MGAT5: variants seen among roughly 807,000 people sequenced by gnomAD.
The protein encoded by MGAT5 is alpha-1,6-mannosylglycoprotein 6-beta-N-acetylglucosaminyltransferase A.
Under a neutral mutation model 94.3 loss-of-function variants are expected in MGAT5, and 30 were observed. That is an observed-to-expected ratio of 0.32 (90% confidence interval 0.24 to 0.43). The LOEUF is 0.43. Among genes scored for constraint, MGAT5 ranks in the 20% least tolerant of loss-of-function variants. MGAT5 has a pLI of 1.00. For synonymous variants in MGAT5, 310 were observed against 322.9 expected, an observed-to-expected ratio of 0.96 and a Z score of 0.43; for missense variants, 691 against 905.5, an observed-to-expected ratio of 0.76 and a Z score of 3.04.
rs1684692862 is a variant in MGAT5 at position 134,428,221 on chromosome 2, G to GA, written c.1795-143dup. On this transcript the variant is annotated intron_variant, in intron 13 of 15. Coordinates refer to ENST00000281923, the MANE Select transcript of MGAT5 (RefSeq NM_002410.5). ...CCACACCTAGTAAGGATCAGCTTGA[G>GA]ATCACGACTTGCAAGTCCATAGTCA... 2.3e-5 allele frequency: 15 copies of GA among 640,906 alleles called. No individual in the cohort carries two copies. In the South Asian group the frequency reaches 3.0e-4, roughly 13 times the overall value. The allele number at this position is 640,906 out of a possible 1,614,324, so 39.7% of individuals were successfully genotyped here.
chr2:134,312,355 C>A (rs1384951757), intron 2 of MGAT5, among the ~76,000 whole-genome samples: 1 of 152,184 alleles, frequency 6.6e-6, no homozygotes, highest in Non-Finnish European at 1.5e-5. Flanking sequence ...TCCCTTCTCC[C>A]AGCATCAGGA....
intron 15 of MGAT5, among the ~76,000 whole-genome samples, chr2:134,443,006 G>A (rs1255963868): frequency 6.6e-6 from 1 of 152,168 alleles, no homozygotes; most frequent in East Asian, 1.9e-4. Flanking sequence ...TTCACGCCCT[G>A]TTAGTGCTGT....
intron 1 of MGAT5, among the ~76,000 whole-genome samples, chr2:134,197,557 A>C (rs2105265141): frequency 6.6e-6 from 1 of 152,346 alleles, no homozygotes; most frequent in African/African-American, 2.4e-5. Context: ...GATGTCGGCC[A>C]TCTTGTTAGG....
chr2:134,393,024 G>A (rs1260241602), intron 10 of MGAT5, among the ~76,000 whole-genome samples: 1 of 152,210 alleles, frequency 6.6e-6, no homozygotes, highest in East Asian at 1.9e-4. Flanking sequence ...GAGCCTTGGG[G>A]ACAGCGAGTT....
rs202189433 is a variant in MGAT5, at chr2:134,425,909, TA to T, written c.1795-2453del. On this transcript the variant is annotated intron_variant, in intron 13 of 15. Coordinates refer to ENST00000281923, the MANE Select transcript of MGAT5 (RefSeq NM_002410.5). ...AGTAACAGTCCTTTTTTTTTTTTTT[TA>T]AACAAAGCAGGATGCCCAAGAATAC... Among the ~76,000 whole-genome samples the T allele has an allele frequency of 1.8e-4, 27 of 151,334 alleles. 1 individual carries two copies. Among genetic ancestry groups the T allele is most frequent in the African/African-American group, 6.3e-4 (26 of 41,118 alleles).
intron 2 of MGAT5, among the ~76,000 whole-genome samples, chr2:134,285,632 C>G (rs1264921071): frequency 1.3e-5 from 2 of 152,104 alleles, no homozygotes; most frequent in African/African-American, 2.4e-5. Flanking sequence ...TACTTCATTC[C>G]TCCTTACCCC....
At chr2:134,214,245 G>C (rs548179607) in intron 1 of MGAT5, among the ~76,000 whole-genome samples, 5 of 151,658 alleles carry the variant, frequency 3.3e-5, no homozygotes, top group Non-Finnish European at 7.4e-5. Context: ...TAGCTAGCTT[G>C]TCCAACCCAT....
intron 2 of MGAT5, among the ~76,000 whole-genome samples, chr2:134,310,650 G>A (rs183375469): frequency 1.3e-5 from 2 of 152,272 alleles, no homozygotes; most frequent in South Asian, 4.1e-4. Flanking sequence ...TCCTATTGCT[G>A]TGGGGCCCTG....
chr2:134,394,029 C>T (rs902575697), intron 10 of MGAT5, among the ~76,000 whole-genome samples: 2 of 152,118 alleles, frequency 1.3e-5, no homozygotes, highest in Non-Finnish European at 2.9e-5. Context: ...AGGTGTGTAC[C>T]ATCCCATAGA....
At chr2:134,225,373 A>AC (rs1477404818) in intron 1 of MGAT5, among the ~76,000 whole-genome samples, 2 of 152,198 alleles carry the variant, frequency 1.3e-5, no homozygotes, top group African/African-American at 2.4e-5. Context: ...CACGAGTCAC[A>AC]CAAGAGTGAT....
At chr2:134,207,281 T>A (rs1383647350) in intron 1 of MGAT5, among the ~76,000 whole-genome samples, 1 of 152,222 alleles carries the variant, frequency 6.6e-6, no homozygotes, top group Non-Finnish European at 1.5e-5. Context: ...CTTAACTCCA[T>A]CTGCATCCTT....
In MGAT5 at chr2:134,328,079, T is replaced by A. The variant is rs138754616; in HGVS notation, c.574-8138T>A. 2.5e-3 allele frequency among the ~76,000 whole-genome samples: 376 copies of A among 152,236 alleles called. 6 individuals carry two copies. Among genetic ancestry groups the A allele is most frequent in the East Asian group, 0.022 (113 of 5,164 alleles). ...GGCTACAGAGGAATTTATTTGCTGC[T>A]TCTCATGTATAAGGGAAAATTGGCC... On this transcript the variant is annotated intron_variant, in intron 4 of 15. Transcript: ENST00000281923.
At chr2:134,290,276 T>A (rs770087587) in intron 2 of MGAT5, among the ~76,000 whole-genome samples, 3 of 152,256 alleles carry the variant, frequency 2.0e-5, no homozygotes, top group Non-Finnish European at 4.4e-5. Context: ...TTTCTACTTT[T>A]ACCATTTCTG....
intron 1 of MGAT5, among the ~76,000 whole-genome samples, chr2:134,227,282 C>T (rs1681114081): frequency 6.6e-6 from 1 of 152,052 alleles, no homozygotes; most frequent in African/African-American, 2.4e-5. Context: ...GAAACTTGAC[C>T]CTGGGGTGGC....
chr2:134,272,037 CT>C (rs1684060147), intron 2 of MGAT5, among the ~76,000 whole-genome samples: 1 of 152,314 alleles, frequency 6.6e-6, no homozygotes, highest in Non-Finnish European at 1.5e-5. Flanking sequence ...TTGTGAGCCT[CT>C]ATAAACACAT....
chr2:134,328,469 A>C (rs1687772265), intron 4 of MGAT5, among the ~76,000 whole-genome samples: 1 of 152,086 alleles, frequency 6.6e-6, no homozygotes, highest in Admixed American at 6.6e-5. Flanking sequence ...ATTGAGGTCA[A>C]GATAAAGTCT....
intron 4 of MGAT5, among the ~76,000 whole-genome samples, chr2:134,330,040 T>C (rs1317975297): frequency 6.6e-6 from 1 of 152,168 alleles, no homozygotes; most frequent in Admixed American, 6.6e-5. Flanking sequence ...ATGTCATCAG[T>C]ATAACAAATG....
chr2:134,313,037 AAC>A (rs201311442), intron 2 of MGAT5, among the ~76,000 whole-genome samples: 3,138 of 139,158 alleles, frequency 0.023, 87 homozygotes, highest in African/African-American at 0.066. Flanking sequence ...GCAAGAAATA[AAC>A]ACACACACAC....
chr2:134,347,681 C>CT (rs1558812336), intron 8 of MGAT5, among the ~76,000 whole-genome samples: 9 of 152,028 alleles, frequency 5.9e-5, no homozygotes, highest in African/African-American at 1.9e-4. Context: ...AGAGGATGTG[C>CT]GTAGGTTATG....
Sources: allele counts gnomAD v4.1 joint callset (sites outside exome capture counted in the v4.1 genomes callset), GRCh38; gene constraint gnomAD v4.1.1; transcripts MANE v1.5; gene names NCBI Gene and HGNC (gene_info 2026-07-23, HGNC 2026-07-21).